The following ATP8B4 variants were observed in gnomAD, a reference collection of about 807,000 sequenced individuals.
ATP8B4 encodes ATPase phospholipid transporting 8B4 (putative), also known as probable phospholipid-transporting ATPase IM.
In ATP8B4, 133 loss-of-function variants were observed where a neutral mutation model predicts 145.6. That is an observed-to-expected ratio of 0.91 (90% CI 0.79 to 1.05). The LOEUF is 1.05. ATP8B4 is among the 50% of genes least tolerant of loss of function. The pLI, the probability that ATP8B4 is intolerant of heterozygous loss-of-function variation, is 0.00. For synonymous variants in ATP8B4, 507 were observed against 492.9 expected, an observed-to-expected ratio of 1.03 and a Z score of -0.38; for missense variants, 1,458 against 1,425.2, an observed-to-expected ratio of 1.02 and a Z score of -0.37.
At chr15:49,879,603 C>T (rs148096059) in intron 23 of ATP8B4, 144 bp from the exon 24 acceptor site, 1 of 668,530 alleles carries the variant, frequency 1.5e-6, no homozygotes, top group Admixed American at 3.1e-5. Flanking sequence ...CCTAGACCTG[C>T]CTCTTATCAG....
chr15:50,073,679 T>A (rs1475809432), intron 3 of ATP8B4, among the ~76,000 whole-genome samples: 1 of 152,204 alleles, frequency 6.6e-6, no homozygotes, highest in Non-Finnish European at 1.5e-5. Context: ...TCTTCCAGAA[T>A]GGTGGGAGTG....
chr15:50,026,410 G>A (rs1430830406), intron 6 of ATP8B4, among the ~76,000 whole-genome samples: 1 of 152,174 alleles, frequency 6.6e-6, no homozygotes, highest in Non-Finnish European at 1.5e-5. Flanking sequence ...AGAGGTCCGG[G>A]AAAGAGCCCA....
In ATP8B4 at chr15:49,860,441, C is replaced by T. The variant is rs2031433998; in HGVS notation, c.3332G>A (p.Arg1111Lys). 6.2e-7 allele frequency: 1 copy of T among 1,612,982 alleles called. No homozygotes were observed. ...CCGAGGCCTTCGGCTACTTGGAGGC[C>T]TTGCCTTCTTTTGAGCCTTCTGCCA... ...RRWQKAQKKA[R>K]PPSSRRPRTR... is the part of the protein sequence containing the mutation. Residue 1111 changes from arginine to lysine, a missense_variant, in exon 28 of 28, where the codon AGG (arginine) becomes AAG (lysine). Arg to Lys is a conservative substitution (Grantham distance 26). Transcript: ENST00000284509.
At chr15:50,138,899 G>A (rs920608879) in intron 1 of ATP8B4, among the ~76,000 whole-genome samples, 3 of 152,264 alleles carry the variant, frequency 2.0e-5, no homozygotes, top group Non-Finnish European at 4.4e-5. Flanking sequence ...CCGGTATAGG[G>A]GAAATTGTGT....
At chr15:49,868,669 G>T (rs1229310567) in intron 25 of ATP8B4, among the ~76,000 whole-genome samples, 1 of 152,064 alleles carries the variant, frequency 6.6e-6, no homozygotes, top group Non-Finnish European at 1.5e-5. Context: ...TAAGAGTTGG[G>T]GATGGGAGTA....
intron 19 of ATP8B4, 49 bp from the exon 20 acceptor site, chr15:49,917,088 A>C: frequency 1.3e-6 from 2 of 1,570,584 alleles, no homozygotes; most frequent in Non-Finnish European, 1.8e-6. Flanking sequence ...TTAATAACCT[A>C]AGTCCATTTT....
intron 20 of ATP8B4, among the ~76,000 whole-genome samples, chr15:49,908,546 C>A (rs528715816): frequency 6.6e-5 from 10 of 152,134 alleles, no homozygotes; most frequent in Non-Finnish European, 1.5e-4. Context: ...GCCTCTCAAC[C>A]CTTTCAGACC....
intron 24 of ATP8B4, 57 bp downstream of exon 24, chr15:49,879,318 CA>C: frequency 1.4e-6 from 2 of 1,478,238 alleles, no homozygotes; most frequent in Non-Finnish European, 1.9e-6. Context: ...TTAGAACCCA[CA>C]AAAAACTAAA....
chr15:50,026,888 C>T (rs1001731673), intron 6 of ATP8B4, among the ~76,000 whole-genome samples: 1 of 152,150 alleles, frequency 6.6e-6, no homozygotes, highest in Non-Finnish European at 1.5e-5. Context: ...CACCAGAGCA[C>T]ATAACTGGAG....
In ATP8B4 at chr15:50,116,762, C is replaced by G. The variant is rs577547104; in HGVS notation, c.-43+2361G>C. Among the ~76,000 whole-genome samples, 7 of 151,956 alleles carry G rather than the reference C, an allele frequency of 4.6e-5. No individual in the cohort carries two copies. In the South Asian group the frequency reaches 1.5e-3, roughly 32 times the overall value. On this transcript the variant is annotated intron_variant, in intron 1 of 27. Transcript: ENST00000284509. ...TTTCCCCTAGGCATCTAGTACAGTG[C>G]CCGGCACTGGGTAGGTACTCAAACT...
intron 9 of ATP8B4, among the ~76,000 whole-genome samples, chr15:49,989,498 T>C (rs540465245): frequency 6.6e-6 from 1 of 152,166 alleles, no homozygotes; most frequent in South Asian, 2.1e-4. Context: ...AAAAACAGGT[T>C]CATTTGATCA....
intron 6 of ATP8B4, among the ~76,000 whole-genome samples, chr15:50,032,686 A>C (rs1249577872): frequency 6.6e-6 from 1 of 152,210 alleles, no homozygotes; most frequent in Non-Finnish European, 1.5e-5. Flanking sequence ...CACTGGATGG[A>C]ATGTTATGTA....
intron 16 of ATP8B4, among the ~76,000 whole-genome samples, chr15:49,929,198 T>C (rs1317161804): frequency 6.6e-6 from 1 of 152,120 alleles, no homozygotes; most frequent in African/African-American, 2.4e-5. Context: ...AAACCTGGGT[T>C]CACATATCTG....
intron 3 of ATP8B4, among the ~76,000 whole-genome samples, chr15:50,066,920 A>T (rs1168168487): frequency 1.3e-5 from 2 of 152,080 alleles, no homozygotes; most frequent in Non-Finnish European, 2.9e-5. Flanking sequence ...TCTTAACCTC[A>T]TAGGCACCTA....
intron 1 of ATP8B4, among the ~76,000 whole-genome samples, chr15:50,129,521 T>C (rs2057330518): frequency 6.6e-6 from 1 of 152,308 alleles, no homozygotes; most frequent in South Asian, 2.1e-4. Flanking sequence ...TTCATGTCTT[T>C]ATATGGCCCT....
At chr15:49,969,780 G>C (rs950396158) in intron 13 of ATP8B4, among the ~76,000 whole-genome samples, 5 of 152,128 alleles carry the variant, frequency 3.3e-5, no homozygotes, top group African/African-American at 4.8e-5. Flanking sequence ...TATCAGGCCA[G>C]CCTCATCCTG....
At chr15:49,971,830 A>G (rs1430371451) in intron 13 of ATP8B4, among the ~76,000 whole-genome samples, 2 of 152,228 alleles carry the variant, frequency 1.3e-5, no homozygotes, top group Non-Finnish European at 2.9e-5. Flanking sequence ...ACATATGTTT[A>G]CTGCAGCACT....
intron 6 of ATP8B4, among the ~76,000 whole-genome samples, chr15:50,026,911 G>T (rs2050049794): frequency 2.0e-5 from 3 of 152,182 alleles, no homozygotes. Context: ...ACAGGAGATG[G>T]TGGATTTGGG....
intron 1 of ATP8B4, among the ~76,000 whole-genome samples, chr15:50,116,590 C>T (rs926213559): frequency 6.6e-6 from 1 of 152,156 alleles, no homozygotes; most frequent in African/African-American, 2.4e-5. Context: ...TGAATGACCT[C>T]ACCCAGAAAG....
Sources: gnomAD v4.1 joint callset for allele counts (sites outside exome capture counted in the v4.1 genomes callset) on GRCh38, gnomAD v4.1.1 for gene constraint, MANE v1.5 for transcripts, NCBI Gene and HGNC (gene_info 2026-07-23, HGNC 2026-07-21) for gene names.